Variants in ENTREP2 observed in about 807,000 individuals in gnomAD.
The protein encoded by ENTREP2 is endosomal transmembrane epsin interactor 2.
At chr15:29,576,903 GT>G in the ENTREP2 span, among the ~76,000 whole-genome samples, 1 of 151,970 alleles carries the variant, frequency 6.6e-6, no homozygotes, top group East Asian at 1.9e-4. Flanking sequence ...CGCCTCCCAG[GT>G]TCACACCATT....
the ENTREP2 span, among the ~76,000 whole-genome samples, chr15:29,149,961 G>A: frequency 1.3e-5 from 2 of 152,220 alleles, no homozygotes; most frequent in African/African-American, 4.8e-5. Context: ...GCTTCTGACG[G>A]CAGCCGCTGT....
chr15:29,174,284 C>G, the ENTREP2 span, among the ~76,000 whole-genome samples: 1 of 152,272 alleles, frequency 6.6e-6, no homozygotes, highest in East Asian at 1.9e-4. Context: ...TGTATCAGAA[C>G]GACAACTCAT....
the ENTREP2 span, among the ~76,000 whole-genome samples, chr15:29,443,213 T>C: frequency 2.0e-5 from 3 of 152,172 alleles, no homozygotes; most frequent in South Asian, 6.2e-4. Flanking sequence ...CTCACCAGCC[T>C]CCTTGTCCCA....
chr15:29,299,824 A>G, the ENTREP2 span, among the ~76,000 whole-genome samples: 1 of 152,180 alleles, frequency 6.6e-6, no homozygotes. Context: ...AATAAAGCAC[A>G]CAAACATTAG....
the ENTREP2 span, among the ~76,000 whole-genome samples, chr15:29,519,598 G>A: frequency 4.3e-3 from 661 of 152,290 alleles, 6 homozygotes; most frequent in African/African-American, 0.015. Flanking sequence ...TATAATGCAT[G>A]TAACCTACAT....
At chr15:29,546,661 C>T in the ENTREP2 span, among the ~76,000 whole-genome samples, 16 of 151,820 alleles carry the variant, frequency 1.1e-4, no homozygotes, top group Non-Finnish European at 1.8e-4. Flanking sequence ...CCGAGGCAGG[C>T]GGATCATGAG....
the ENTREP2 span, among the ~76,000 whole-genome samples, chr15:29,247,086 T>C: frequency 1.3e-5 from 2 of 151,934 alleles, no homozygotes; most frequent in South Asian, 2.1e-4. Context: ...TTAGATATCC[T>C]TTTTATGCAG....
chr15:29,467,577 G>A, the ENTREP2 span, among the ~76,000 whole-genome samples: 1 of 152,176 alleles, frequency 6.6e-6, no homozygotes, highest in East Asian at 1.9e-4. Flanking sequence ...TTGTGGTTGG[G>A]CTGTCCTAGT....
At chr15:29,653,713 C>T in the ENTREP2 span, among the ~76,000 whole-genome samples, 1 of 152,206 alleles carries the variant, frequency 6.6e-6, no homozygotes, top group Non-Finnish European at 1.5e-5. Flanking sequence ...AACCTCTTTC[C>T]TTTATAAGTT....
chr15:29,223,584 T>G, the ENTREP2 span, among the ~76,000 whole-genome samples: 1 of 152,162 alleles, frequency 6.6e-6, no homozygotes, highest in Non-Finnish European at 1.5e-5. Context: ...AAAAATGAGC[T>G]ATAAATCCGA....
At chr15:29,345,239 G>A in the ENTREP2 span, among the ~76,000 whole-genome samples, 1 of 152,148 alleles carries the variant, frequency 6.6e-6, no homozygotes. Context: ...TGTCTCTAGA[G>A]GCTGTATTTG....
the ENTREP2 span, among the ~76,000 whole-genome samples, chr15:29,384,459 C>T: frequency 1.3e-5 from 2 of 152,248 alleles, no homozygotes; most frequent in African/African-American, 2.4e-5. Flanking sequence ...TCTCCACCTC[C>T]TCCCTCCCCA....
chr15:29,299,370 A>G, the ENTREP2 span, among the ~76,000 whole-genome samples: 1 of 152,152 alleles, frequency 6.6e-6, no homozygotes, highest in Non-Finnish European at 1.5e-5. Flanking sequence ...GGAAAGACGC[A>G]GTGGTGGAGA....
At chr15:29,668,059 A>C in the ENTREP2 span, among the ~76,000 whole-genome samples, 1 of 152,168 alleles carries the variant, frequency 6.6e-6, no homozygotes, top group Admixed American at 6.5e-5. Flanking sequence ...AAGGCAGAGA[A>C]AGGAAAAAGT....
the ENTREP2 span, among the ~76,000 whole-genome samples, chr15:29,447,887 A>C: frequency 2.0e-5 from 3 of 151,798 alleles, no homozygotes; most frequent in African/African-American, 7.3e-5. Flanking sequence ...ACATGGTGAA[A>C]CTCCGTCTCT....
the ENTREP2 span, chr15:29,269,823 G>T: frequency 1.0e-6 from 1 of 989,328 alleles, no homozygotes; most frequent in Non-Finnish European, 1.4e-6. Flanking sequence ...GGCTGAGACT[G>T]CGTGCTGCGT....
the ENTREP2 span, among the ~76,000 whole-genome samples, chr15:29,405,391 GAA>G: frequency 4.8e-5 from 6 of 125,818 alleles, no homozygotes; most frequent in South Asian, 2.6e-4. Flanking sequence ...TCCGTCTCCA[GAA>G]AAAAAAAAAA....
At chr15:29,526,009 A>G in the ENTREP2 span, among the ~76,000 whole-genome samples, 2 of 152,370 alleles carry the variant, frequency 1.3e-5, no homozygotes, top group Admixed American at 1.3e-4. Flanking sequence ...AGAATGAGCT[A>G]ATCAATTCTG....
the ENTREP2 span, among the ~76,000 whole-genome samples, chr15:29,418,906 T>C: frequency 4.6e-5 from 7 of 152,262 alleles, no homozygotes; most frequent in African/African-American, 1.7e-4. Context: ...AAGCACATGG[T>C]TGGGTTTTCC....
Sources: allele counts gnomAD v4.1 joint callset (sites outside exome capture counted in the v4.1 genomes callset), GRCh38; gene constraint gnomAD v4.1.1; transcripts MANE v1.5; gene names NCBI Gene and HGNC (gene_info 2026-07-23, HGNC 2026-07-21).